The following TENM2 variants were observed in gnomAD, a reference collection of about 807,000 sequenced individuals.
TENM2 encodes the protein teneurin transmembrane protein 2.
A neutral mutation model predicts 245.2 loss-of-function variants in TENM2; 52 were observed. The observed-to-expected ratio is 0.21, with a 90% CI of 0.17 to 0.27. The LOEUF (loss-of-function observed/expected upper bound fraction) is 0.27. Among genes scored for constraint, TENM2 ranks in the 10% least tolerant of loss-of-function variants. The probability of loss-of-function intolerance (pLI) is 1.00; values close to 1 mark genes in which losing one functional copy is unlikely to be tolerated. For missense variants in TENM2, 3,046 were observed against 3,666.8 expected (o/e 0.83, Z 4.37); for synonymous variants, 1,363 against 1,438.9 (o/e 0.95, Z 1.19).
chr5:167,715,183 G>A (rs1476753561), intron 2 of TENM2, among the ~76,000 whole-genome samples: 1 of 150,906 alleles, frequency 6.6e-6, no homozygotes, highest in African/African-American at 2.5e-5. Context: ...CAATGATTGG[G>A]AAGGCTCAAG....
chr5:166,982,978 T>G, the TENM2 span, among the ~76,000 whole-genome samples: 2 of 152,148 alleles, frequency 1.3e-5, no homozygotes, highest in African/African-American at 4.8e-5. Flanking sequence ...TCTTTGTACT[T>G]CTGGTTTATA....
intron 2 of TENM2, among the ~76,000 whole-genome samples, chr5:167,840,415 T>C (rs1165104290): frequency 6.6e-6 from 1 of 152,158 alleles, no homozygotes; most frequent in Non-Finnish European, 1.5e-5. Flanking sequence ...CATGTATTTC[T>C]CCCATACAGA....
chr5:167,915,364 G>A (rs1199525137), intron 3 of TENM2, among the ~76,000 whole-genome samples: 5 of 152,088 alleles, frequency 3.3e-5, no homozygotes, highest in African/African-American at 7.2e-5. Flanking sequence ...ACAACATATG[G>A]TCAAATCTCA....
At chr5:167,908,774 A>G (rs1002545224) in intron 3 of TENM2, among the ~76,000 whole-genome samples, 7 of 151,338 alleles carry the variant, frequency 4.6e-5, no homozygotes, top group African/African-American at 1.7e-4. Flanking sequence ...CTGAGGAAAG[A>G]GAAAAGAAAG....
chr5:167,668,720 C>G (rs754405381), intron 2 of TENM2, among the ~76,000 whole-genome samples: 1 of 152,064 alleles, frequency 6.6e-6, no homozygotes, highest in African/African-American at 2.4e-5. Context: ...TTTGGGAGGC[C>G]AAGGCGGGCA....
intron 2 of TENM2, among the ~76,000 whole-genome samples, chr5:167,870,979 C>T (rs759269890): frequency 5.9e-5 from 9 of 152,054 alleles, no homozygotes; most frequent in Middle Eastern, 3.4e-3. Context: ...GTCATAAATT[C>T]GTGAATATAT....
intron 2 of TENM2, among the ~76,000 whole-genome samples, chr5:167,450,541 A>G (rs960270902): frequency 1.3e-5 from 2 of 152,322 alleles, no homozygotes; most frequent in African/African-American, 2.4e-5. Flanking sequence ...GTATATATAG[A>G]AAGTAAAACT....
chr5:167,886,066 A>G (rs1231848243), intron 3 of TENM2, among the ~76,000 whole-genome samples: 1 of 152,008 alleles, frequency 6.6e-6, no homozygotes, highest in Non-Finnish European at 1.5e-5. Context: ...GAGTTAATCA[A>G]CTGTGTTTGG....
At chr5:167,741,187 C>A (rs976704168) in intron 2 of TENM2, among the ~76,000 whole-genome samples, 3 of 152,150 alleles carry the variant, frequency 2.0e-5, no homozygotes, top group African/African-American at 7.2e-5. Context: ...CTGTGAAATT[C>A]TTTCTTCTTC....
chr5:168,088,223 C>T (rs1251028184), intron 7 of TENM2: 1 of 152,158 alleles, frequency 6.6e-6, no homozygotes, highest in Non-Finnish European at 1.5e-5. Context: ...TCCTTCTCAC[C>T]TCGGCACCAA....
intron 13 of TENM2, among the ~76,000 whole-genome samples, chr5:168,177,867 C>T (rs538350426): frequency 5.7e-4 from 87 of 152,242 alleles, no homozygotes; most frequent in African/African-American, 1.9e-3. Context: ...ACAAAATAAA[C>T]GAGAAAATCT....
chr5:167,901,722 T>G (rs1259052706), intron 3 of TENM2, among the ~76,000 whole-genome samples: 1 of 152,248 alleles, frequency 6.6e-6, no homozygotes, highest in East Asian at 1.9e-4. Context: ...AGCACCGTAT[T>G]AATGTTCTTC....
intron 13 of TENM2, among the ~76,000 whole-genome samples, 172 bp downstream of exon 15, chr5:168,162,929 T>G (rs1238401225): frequency 6.6e-6 from 1 of 152,188 alleles, no homozygotes; most frequent in East Asian, 1.9e-4. Flanking sequence ...CCAGGGGGGA[T>G]CTCTGGGAGA....
At chr5:168,017,121 T>C (rs1257839977) in intron 5 of TENM2, among the ~76,000 whole-genome samples, 2 of 152,204 alleles carry the variant, frequency 1.3e-5, no homozygotes, top group African/African-American at 2.4e-5. Context: ...CTGAGTCAGC[T>C]AGAGGGACCA....
chr5:167,384,690 G>T (rs565285150), intron 2 of TENM2, among the ~76,000 whole-genome samples: 1 of 126,004 alleles, frequency 7.9e-6, no homozygotes, highest in African/African-American at 3.6e-5. Context: ...GATACAGCGC[G>T]TGCACACGCG....
At chr5:167,991,683 C>T (rs990255653) in intron 4 of TENM2, among the ~76,000 whole-genome samples, 1 of 152,160 alleles carries the variant, frequency 6.6e-6, no homozygotes, top group African/African-American at 2.4e-5. Flanking sequence ...CTGGCTAACA[C>T]GGACACCTTA....
chr5:168,236,094 G>C (rs1765405206), intron 25 of TENM2, among the ~76,000 whole-genome samples: 1 of 152,182 alleles, frequency 6.6e-6, no homozygotes, highest in Non-Finnish European at 1.5e-5. Flanking sequence ...GTAAGGTCAA[G>C]GGGTAGAGCC....
chr5:167,660,464 C>CAAAAAAAAAA (rs749846307), intron 2 of TENM2: 18 of 33,170 alleles, frequency 5.4e-4, no homozygotes, highest in African/African-American at 1.2e-3. Flanking sequence ...GGCTGTGTCT[C>CAAAAAAAAAA]AAAAAAAAAA....
the TENM2 span, among the ~76,000 whole-genome samples, chr5:167,020,378 C>A: frequency 3.3e-5 from 5 of 152,292 alleles, no homozygotes; most frequent in East Asian, 9.7e-4. Context: ...AATTTTACAG[C>A]TGATGAAAGA....
Sources: allele counts gnomAD v4.1 joint callset (sites outside exome capture counted in the v4.1 genomes callset), GRCh38; gene constraint gnomAD v4.1.1; transcripts MANE v1.5; gene names NCBI Gene and HGNC (gene_info 2026-07-23, HGNC 2026-07-21).